The following HPSE2 variants were observed in gnomAD, a reference collection of about 807,000 sequenced individuals.
HPSE2 encodes inactive heparanase-2.
A neutral mutation model predicts 60.5 loss-of-function variants in HPSE2; 38 were observed. The observed-to-expected ratio is 0.63, with a 90% confidence interval of 0.48 to 0.82. The LOEUF (loss-of-function observed/expected upper bound fraction) is 0.82, where lower values mean the gene tolerates loss of function less well. HPSE2 is among the 40% of genes least tolerant of loss of function. HPSE2 has a pLI of 0.00. For missense variants in HPSE2, 713 were observed against 740.4 expected (o/e 0.96, Z 0.43); for synonymous variants, 295 against 293.2 (o/e 1.01, Z -0.06).
In HPSE2 at chr10:98,459,474, G is replaced by T; in HGVS notation, c.*100C>A. 8.0e-7 allele frequency: 1 copy of T among 1,254,120 alleles called. No homozygotes were observed. The allele number at this position is 1,254,120 out of a possible 1,614,324, so 77.7% of individuals were successfully genotyped here. Reference sequence around the variant, plus strand: ...TGATTCCAGCAGGATGGGGCAGCAGGGGCTGGTTGCTAGGATGTCTGAAAA... The same window carrying T: ...TGATTCCAGCAGGATGGGGCAGCAGTGGCTGGTTGCTAGGATGTCTGAAAA... On this transcript the variant is annotated 3_prime_UTR_variant, in exon 12 of 12. Coordinates refer to ENST00000370552, the MANE Select transcript of HPSE2 (RefSeq NM_021828.5).
chr10:98,942,085 T>C lies in HPSE2; in HGVS notation c.611-198029A>G, dbSNP rs867676110. Among the ~76,000 whole-genome samples the C allele has an allele frequency of 1.4e-5, 2 of 142,516 alleles. 1 individual carries two copies. The highest frequency in any genetic ancestry group is 3.0e-5 in the Non-Finnish European group (2 of 66,858). 93.5% of individuals were successfully genotyped at this position (142,516 alleles called of 152,430 possible). The stretch of plus-strand genomic sequence containing the variant: ...ACCTTATACAAAAATTAATTCAAGA[T>C]GGATTAAAGACTTAAACATTAGACC... On this transcript the variant is annotated intron_variant, in intron 3 of 11. Coordinates refer to ENST00000370552, the MANE Select transcript of HPSE2 (RefSeq NM_021828.5).
chr10:98,806,937 T>A (rs965555082), intron 3 of HPSE2, among the ~76,000 whole-genome samples: 5 of 151,894 alleles, frequency 3.3e-5, no homozygotes, highest in African/African-American at 1.2e-4. Context: ...AGGTCAGGAG[T>A]TCGAGACCAG....
At chr10:98,994,514 G>A (rs1358107253) in intron 3 of HPSE2, among the ~76,000 whole-genome samples, 1 of 152,162 alleles carries the variant, frequency 6.6e-6, no homozygotes, top group Non-Finnish European at 1.5e-5. Context: ...GTGGCATGTG[G>A]TCTGCTTATG....
chr10:99,164,472 C>T (rs1180589350), intron 2 of HPSE2, among the ~76,000 whole-genome samples: 1 of 150,526 alleles, frequency 6.6e-6, no homozygotes, highest in Non-Finnish European at 1.5e-5. Flanking sequence ...TGTATTTTTC[C>T]CTCCCATCCT....
At chr10:99,198,060 T>A (rs1368833416) in intron 2 of HPSE2, among the ~76,000 whole-genome samples, 1 of 147,388 alleles carries the variant, frequency 6.8e-6, no homozygotes, top group Non-Finnish European at 1.5e-5. Context: ...AGAGCAAGAC[T>A]CCGTCTCAAA....
intron 5 of HPSE2, among the ~76,000 whole-genome samples, chr10:98,711,001 G>GGCAGATGT (rs1181044218): frequency 9.2e-5 from 14 of 152,082 alleles, no homozygotes; most frequent in African/African-American, 3.4e-4. Context: ...ACAAGATAGA[G>GGCAGATGT]GCAGATGTGA....
intron 3 of HPSE2, among the ~76,000 whole-genome samples, chr10:98,887,984 A>C (rs1953216581): frequency 6.6e-6 from 1 of 151,884 alleles, no homozygotes. Context: ...ACCTACTATT[A>C]ATATTTGATA....
At chr10:98,750,062 A>G (rs994310014) in intron 3 of HPSE2, among the ~76,000 whole-genome samples, 1 of 151,542 alleles carries the variant, frequency 6.6e-6, no homozygotes, top group African/African-American at 2.4e-5. Context: ...AGGGTAGGAG[A>G]TAGTATAGAA....
At chr10:99,106,945 G>A (rs375240644) in intron 3 of HPSE2, among the ~76,000 whole-genome samples, 20 of 152,024 alleles carry the variant, frequency 1.3e-4, no homozygotes, top group African/African-American at 2.7e-4. Context: ...ATTTCAGCTC[G>A]CTGCAACCTC....
chr10:98,631,286 C>A (rs1047992861), intron 7 of HPSE2, among the ~76,000 whole-genome samples: 20 of 151,984 alleles, frequency 1.3e-4, no homozygotes, highest in Admixed American at 1.2e-3. Context: ...AAAATAAGGA[C>A]ATACACAAAA....
At chr10:99,100,331 A>G (rs1843907783) in intron 3 of HPSE2, among the ~76,000 whole-genome samples, 1 of 152,248 alleles carries the variant, frequency 6.6e-6, no homozygotes, top group African/African-American at 2.4e-5. Context: ...TGGCACAAGA[A>G]CTACATGACA....
the HPSE2 span, among the ~76,000 whole-genome samples, chr10:99,315,585 G>A: frequency 6.6e-6 from 1 of 152,144 alleles, no homozygotes; most frequent in African/African-American, 2.4e-5. Context: ...AGGCAAGAAG[G>A]AAATCTATCT....
chr10:99,099,453 C>T (rs990806851), intron 3 of HPSE2, among the ~76,000 whole-genome samples: 3 of 152,194 alleles, frequency 2.0e-5, no homozygotes, highest in African/African-American at 7.2e-5. Flanking sequence ...GGAGGGGTGA[C>T]CGCCATTGCT....
intron 2 of HPSE2, among the ~76,000 whole-genome samples, chr10:99,147,105 C>T (rs1846084031): frequency 1.3e-5 from 2 of 152,106 alleles, no homozygotes; most frequent in South Asian, 4.2e-4. Context: ...CTATTATTGC[C>T]TCTATCTTAA....
At chr10:98,497,068 T>C (rs1348786735) in intron 9 of HPSE2, among the ~76,000 whole-genome samples, 1 of 152,154 alleles carries the variant, frequency 6.6e-6, no homozygotes, top group Non-Finnish European at 1.5e-5. Flanking sequence ...ATTTGATGTA[T>C]ACTATTAAGT....
At chr10:98,677,890 T>C (rs1222911909) in intron 6 of HPSE2, among the ~76,000 whole-genome samples, 2 of 152,236 alleles carry the variant, frequency 1.3e-5, no homozygotes, top group Admixed American at 6.5e-5. Context: ...GAATTTCCAA[T>C]AGATGCTATT....
intron 3 of HPSE2, among the ~76,000 whole-genome samples, chr10:99,074,855 G>T (rs1039973889): frequency 6.6e-5 from 10 of 152,000 alleles, no homozygotes; most frequent in Non-Finnish European, 1.5e-4. Flanking sequence ...GTTCATAGTA[G>T]TCTCTTATGA....
At chr10:99,305,975 G>GCACACACA in the HPSE2 span, among the ~76,000 whole-genome samples, 108 of 48,112 alleles carry the variant, frequency 2.2e-3, no homozygotes, top group African/African-American at 5.6e-3. Flanking sequence ...GCGCGCGCGC[G>GCACACACA]CGCGCACACA....
chr10:98,983,392 C>A (rs1172537662), intron 3 of HPSE2, among the ~76,000 whole-genome samples: 3 of 152,174 alleles, frequency 2.0e-5, no homozygotes, highest in Non-Finnish European at 4.4e-5. Flanking sequence ...GCAGAAAACC[C>A]TGTTTCACAA....
Sources: allele counts gnomAD v4.1 joint callset (sites outside exome capture counted in the v4.1 genomes callset), GRCh38; gene constraint gnomAD v4.1.1; transcripts MANE v1.5; gene names NCBI Gene and HGNC (gene_info 2026-07-23, HGNC 2026-07-21).